OLFML2A: variants seen among roughly 807,000 people sequenced by gnomAD.
The protein encoded by OLFML2A is olfactomedin-like protein 2A.
In OLFML2A, 47 loss-of-function variants were observed where a neutral mutation model predicts 60.9. The observed-to-expected ratio is 0.77, with a 90% CI of 0.61 to 0.98. The LOEUF (loss-of-function observed/expected upper bound fraction) is 0.98. Ranked by LOEUF, OLFML2A falls within the 50% of genes least tolerant of loss-of-function variation. The pLI, the probability that OLFML2A is intolerant of heterozygous loss-of-function variation, is 0.00. For synonymous variants in OLFML2A, 372 were observed against 375.0 expected, an observed-to-expected ratio of 0.99 and a Z score of 0.09; for missense variants, 922 against 879.8, an observed-to-expected ratio of 1.05 and a Z score of -0.61.
intron 3 of OLFML2A, 81 bp downstream of exon 3, chr9:124,795,212 C>T (rs1841647479): frequency 1.4e-6 from 1 of 736,586 alleles, no homozygotes; most frequent in South Asian, 1.8e-5. Flanking sequence ...CCCCGGCAAT[C>T]CAGGCTTCAC....
chr9:124,813,265 A>ATTC lies in OLFML2A; in HGVS notation c.*2854_*2855insTCT, dbSNP rs1460260454. The ATTC allele has an allele frequency of 7.2e-5, 11 of 152,254 alleles. No individual in the cohort carries two copies. The highest frequency in any genetic ancestry group is 1.9e-4 in the African/African-American group (8 of 41,446). 9.4% of individuals were successfully genotyped at this position (152,254 alleles called of 1,614,324 possible). On this transcript the variant is annotated 3_prime_UTR_variant, in exon 8 of 8. Transcript: ENST00000373580. ...CGCCTGGCCAGTTTCTTCATTTTAC[A>ATTC]TATGGTCACATTGGCGCCTAGAACA... is the stretch of plus-strand genomic sequence containing the variant.
Position 124,795,060 on chromosome 9 carries a change from T to TA in OLFML2A, c.392dup (p.Tyr131Ter). Residue 131 changes from tyrosine (Y) to a stop codon, truncating the protein, a stop_gained and frameshift_variant, in exon 3 of 8, where the codon TAC becomes TAAC. Transcript: ENST00000373580. LOFTEE classifies it high-confidence loss of function. ...SMVDLLEGTL[Y>*]SMDLMKVHAY... ...GGTGGATCTCCTGGAGGGCACCCTG[T>TA]ACAGCATGGACTTGATGAAGGTGCA... is the stretch of plus-strand genomic sequence containing the variant. 2 of 1,608,804 alleles carry TA rather than the reference T, an allele frequency of 1.2e-6. No individual in the cohort carries two copies. The highest frequency in any genetic ancestry group is 1.7e-6 in the Non-Finnish European group (2 of 1,177,418).
Position 124,801,477 on chromosome 9 carries a change from GAC to G in OLFML2A, c.735_736del (p.Asp245GlufsTer94). ...KYGSVQKSFA[D>X]RGLPKPPKEK... is the part of the protein sequence containing the mutation. ...TGGCAGTGTGCAGAAAAGCTTTGCA[GAC>G]AGAGGCCTCCCAAAACCTCCCAAGG... On this transcript the variant is annotated frameshift_variant, in exon 5 of 8. Transcript: ENST00000373580. LOFTEE classifies it high-confidence loss of function. The G allele has an allele frequency of 6.2e-7, 1 of 1,614,160 alleles. No individual in the cohort carries two copies. The highest frequency in any genetic ancestry group is 8.5e-7 in the Non-Finnish European group (1 of 1,180,016).
intron 1 of OLFML2A, chr9:124,778,798 A>G: frequency 5.4e-6 from 1 of 183,950 alleles, no homozygotes; most frequent in South Asian, 1.8e-4. Context: ...TTGTGTCTTA[A>G]AACAAAACAA....
intron 3 of OLFML2A, among the ~76,000 whole-genome samples, chr9:124,797,716 T>C (rs10986429): frequency 0.039 from 5,875 of 152,286 alleles, 364 homozygotes; most frequent in African/African-American, 0.13. Context: ...TACTAGAGCT[T>C]TGGCGAACTG....
chr9:124,798,944 G>A (rs1841717560), intron 3 of OLFML2A, among the ~76,000 whole-genome samples: 1 of 152,116 alleles, frequency 6.6e-6, no homozygotes, highest in African/African-American at 2.4e-5. Flanking sequence ...TAAATATACA[G>A]ACTCTCTTTA....
rs374398108 is a variant in OLFML2A, at chr9:124,784,449, G to A, written c.91-2526G>A. On this transcript the variant is annotated intron_variant, in intron 1 of 7. Coordinates refer to ENST00000373580, the MANE Select transcript of OLFML2A (RefSeq NM_182487.4). ...GAACTCTTGACCTCATGATCCACCC[G>A]CCTCGGCCTCCCAAAGTGCTGGGAT... Among the ~76,000 whole-genome samples the A allele has an allele frequency of 1.1e-4, 17 of 152,054 alleles. No individual in the cohort carries two copies. In the South Asian group the frequency reaches 2.5e-3, roughly 22 times the overall value.
chr9:124,803,297 C>T (rs558645390), intron 5 of OLFML2A, among the ~76,000 whole-genome samples: 1 of 152,118 alleles, frequency 6.6e-6, no homozygotes, highest in Non-Finnish European at 1.5e-5. Context: ...GGGTCTCACT[C>T]TGTCACCCAG....
Position 124,810,437 on chromosome 9 carries a change from G to C in OLFML2A, c.*25G>C. On this transcript the variant is annotated 3_prime_UTR_variant, in exon 8 of 8. Transcript: ENST00000373580. Reference sequence around the variant, plus strand: ...AGTGGAGACCTGTGCTCCCCGGAGAGGGGCAGCAGTGCGGGAGGGGCTTTG... The same window carrying C: ...AGTGGAGACCTGTGCTCCCCGGAGACGGGCAGCAGTGCGGGAGGGGCTTTG... 3 of 1,570,690 alleles carry C rather than the reference G, an allele frequency of 1.9e-6. No homozygotes were observed. The highest frequency in any genetic ancestry group is 2.6e-6 in the Non-Finnish European group (3 of 1,162,218).
chr9:124,777,405 C>A lies in OLFML2A; in HGVS notation c.90+45C>A. Reference sequence around the variant, plus strand: ...CCGCGCGGCTCGGCGGGTAGCGGGGCGCGAGGGGGCGCTGTGGCTGGGGTG... The same window carrying A: ...CCGCGCGGCTCGGCGGGTAGCGGGGAGCGAGGGGGCGCTGTGGCTGGGGTG... On this transcript the variant is annotated intron_variant, in intron 1 of 7. Coordinates refer to ENST00000373580, the MANE Select transcript of OLFML2A (RefSeq NM_182487.4). This position sits in a 1 kb window ranked among gnomAD's most constrained non-coding sequence, Gnocchi z 6.2. The A allele has an allele frequency of 1.6e-6, 2 of 1,224,234 alleles. No homozygotes were observed. Among genetic ancestry groups the A allele is most frequent in the Non-Finnish European group, 2.0e-6 (2 of 982,142 alleles). The allele number at this position is 1,224,234 out of a possible 1,614,324, so 75.8% of individuals were successfully genotyped here.
Position 124,799,488 on chromosome 9 carries a change from C to T in OLFML2A, c.666C>T (p.Ala222=). The change falls in exon 4 of 8, where the codon GCC becomes GCT. Residue 222 remains alanine (A), a synonymous_variant. Coordinates refer to ENST00000373580, the MANE Select transcript of OLFML2A (RefSeq NM_182487.4). ...ATPATGTGSK[A]QDTARGKGKD... is the part of the protein sequence containing the mutation. ...CTGCCACGGGCACTGGTAGCAAGGCCCAGGTGAGGCCCCAGCTCTGATCAT... is the reference window on the plus strand; with the variant it reads ...CTGCCACGGGCACTGGTAGCAAGGCTCAGGTGAGGCCCCAGCTCTGATCAT... 1 of 1,586,478 alleles carries T rather than the reference C, an allele frequency of 6.3e-7. No individual in the cohort carries two copies. The highest frequency in any genetic ancestry group is 2.3e-5 in the East Asian group (1 of 43,828).
At chr9:124,796,424 A>G (rs531265010) in intron 3 of OLFML2A, among the ~76,000 whole-genome samples, 1 of 152,276 alleles carries the variant, frequency 6.6e-6, no homozygotes, top group South Asian at 2.1e-4. Flanking sequence ...TGTAACTCTG[A>G]GCCAGATGAT....
In OLFML2A at chr9:124,801,468, A is replaced by T. The variant is rs1177910179; in HGVS notation, c.724A>T (p.Ser242Cys). ...CAGCAAGTATGGCAGTGTGCAGAAA[A>T]GCTTTGCAGACAGAGGCCTCCCAAA... The part of the protein sequence containing the change: ...DISKYGSVQK[S>C]FADRGLPKPP... The change falls in exon 5 of 8, where the codon AGC becomes TGC. Residue 242 changes from serine (S) to cysteine (C), a missense_variant. Ser to Cys is a moderately radical substitution (Grantham distance 112). Coordinates refer to ENST00000373580, the MANE Select transcript of OLFML2A (RefSeq NM_182487.4). 1 of 1,614,126 alleles carries T rather than the reference A, an allele frequency of 6.2e-7. No individual in the cohort carries two copies. The highest frequency in any genetic ancestry group is 8.5e-7 in the Non-Finnish European group (1 of 1,180,016).
rs750915215 is a variant in OLFML2A, at chr9:124,804,045, C to T, written c.920-49C>T. On this transcript the variant is annotated intron_variant, in intron 5 of 7. Transcript: ENST00000373580. ...CCAGTGGACCTTAGGGAGACCCACA[C>T]GGCAGCAGGTGGTGCTGAGATTTGA... 1.2e-5 allele frequency: 19 copies of T among 1,594,588 alleles called. 1 individual carries two copies. The Middle Eastern group carries it at 5.0e-4, about 42-fold the overall frequency.
intron 4 of OLFML2A, among the ~76,000 whole-genome samples, chr9:124,799,964 C>G (rs1464584583): frequency 6.6e-6 from 1 of 152,166 alleles, no homozygotes; most frequent in Non-Finnish European, 1.5e-5. Context: ...GGTACAGAAC[C>G]CCTGCAGCCA....
Position 124,810,495 on chromosome 9 carries a change from A to C in OLFML2A, c.*83A>C. The C allele has an allele frequency of 7.2e-7, 1 of 1,381,044 alleles. No homozygotes were observed. Among genetic ancestry groups the C allele is most frequent in the Admixed American group, 2.4e-5 (1 of 40,984 alleles). The allele number at this position is 1,381,044 out of a possible 1,614,324, so 85.5% of individuals were successfully genotyped here. On this transcript the variant is annotated 3_prime_UTR_variant, in exon 8 of 8. Transcript: ENST00000373580. ...GCTCCTGCAACTGACCCAGTCCGCA[A>C]ATATTTATTGGGGGCCAGCCCAGGG...
At chr9:124,809,421 T>C (rs1381534965) in intron 7 of OLFML2A, among the ~76,000 whole-genome samples, 1 of 151,832 alleles carries the variant, frequency 6.6e-6, no homozygotes. Flanking sequence ...GGAGGTGACA[T>C]TGGCCTGGGG....
rs368549348 is a variant in OLFML2A at position 124,810,026 on chromosome 9, G to T, written c.1573G>T (p.Val525Leu). Residue 525 changes from valine (V) to leucine (L), a missense_variant, in exon 8 of 8, where the codon GTG becomes TTG. Physicochemically the swap from Val to Leu is conservative, Grantham distance 32 (BLOSUM62 1). Transcript: ENST00000373580. Reference protein sequence around the residue: ...WRGHSDIDFAVDESGLWVIYP... With the variant: ...WRGHSDIDFALDESGLWVIYP... ...CGGACACTCGGACATTGACTTTGCC[G>T]TGGACGAGAGCGGCCTGTGGGTCAT... 17 of 1,613,936 alleles carry T rather than the reference G, an allele frequency of 1.1e-5. No homozygotes were observed. The highest frequency in any genetic ancestry group is 1.4e-5 in the Non-Finnish European group (17 of 1,180,040).
At chr9:124,778,801 C>T (rs1256776594) in intron 1 of OLFML2A, 1 of 186,164 alleles carries the variant, frequency 5.4e-6, no homozygotes, top group Non-Finnish European at 9.8e-6. Flanking sequence ...TGTCTTAAAA[C>T]AAAACAAAAC....
Sources: gnomAD v4.1 joint callset for allele counts (sites outside exome capture counted in the v4.1 genomes callset) on GRCh38, gnomAD v4.1.1 for gene constraint, Gnocchi (gnomAD v3.1) non-coding constraint, MANE v1.5 for transcripts, NCBI Gene and HGNC (gene_info 2026-07-23, HGNC 2026-07-21) for gene names.